Variants in SLC6A7 observed in about 807,000 individuals in gnomAD.
The protein encoded by SLC6A7 is sodium-dependent proline transporter.
SLC6A7 carries 58 observed loss-of-function variants against 73.1 expected under a neutral mutation model. The observed-to-expected ratio is 0.79, with a 90% CI of 0.64 to 0.99. The LOEUF (loss-of-function observed/expected upper bound fraction) is 0.99. SLC6A7 is among the 50% of genes least tolerant of loss of function. The pLI is 0.00. For synonymous variants in SLC6A7, 338 were observed against 338.7 expected, an observed-to-expected ratio of 1.00 and a Z score of 0.02; for missense variants, 783 against 831.4, an observed-to-expected ratio of 0.94 and a Z score of 0.72.
At chr5:150,198,453 G>A (rs958744988) in intron 4 of SLC6A7, among the ~76,000 whole-genome samples, 1 of 152,238 alleles carries the variant, frequency 6.6e-6, no homozygotes, top group Non-Finnish European at 1.5e-5. Context: ...CTGCTGAAGA[G>A]TTTATCTGAC....
chr5:150,208,136 G>A lies in SLC6A7; in HGVS notation c.1702-1270G>A, dbSNP rs556171085. Among the ~76,000 whole-genome samples the A allele has an allele frequency of 1.5e-4, 23 of 152,034 alleles. 1 individual carries two copies. In the South Asian group the frequency reaches 4.4e-3, roughly 29 times the overall value. On this transcript the variant is annotated intron_variant, in intron 13 of 13. Transcript: ENST00000230671. ...AAACCTAAGTCCTTGTTCTCAGGGAGCTTGTATTTTATTGTGGGGGACAGG... is the reference window on the plus strand; with the variant it reads ...AAACCTAAGTCCTTGTTCTCAGGGAACTTGTATTTTATTGTGGGGGACAGG...
intron 13 of SLC6A7, 37 bp from the exon 14 acceptor site, chr5:150,209,369 G>C (rs1562106747): frequency 1.3e-6 from 2 of 1,574,676 alleles, no homozygotes; most frequent in South Asian, 2.2e-5. Flanking sequence ...AGCGCTGCCT[G>C]TTTCCTGTTT....
At chr5:150,194,703 C>T in intron 1 of SLC6A7, 25 bp from the exon 2 acceptor site, 2 of 1,603,250 alleles carry the variant, frequency 1.2e-6, no homozygotes, top group Non-Finnish European at 1.7e-6. Context: ...TTCTCCCCAA[C>T]CTCTTTGGTC....
At chr5:150,207,560 G>A (rs1165944912) in intron 13 of SLC6A7, among the ~76,000 whole-genome samples, 2 of 152,162 alleles carry the variant, frequency 1.3e-5, no homozygotes, top group African/African-American at 4.8e-5. Flanking sequence ...CCTACTTTTA[G>A]GCCTGTTATG....
rs1753885892 is a variant in SLC6A7, at chr5:150,209,842, A to C, written c.*227A>C. ...GCATACTCAGACCCACTCAAAGCTG[A>C]GAATGATCCAACTCAGCCCTACTTT... On this transcript the variant is annotated 3_prime_UTR_variant, in exon 14 of 14. Transcript: ENST00000230671. 1 of 573,824 alleles carries C rather than the reference A, an allele frequency of 1.7e-6. No individual in the cohort carries two copies. The highest frequency in any genetic ancestry group is 1.9e-5 in the African/African-American group (1 of 53,386). 35.5% of individuals were successfully genotyped at this position (573,824 alleles called of 1,614,324 possible).
At position 150,204,586 on chromosome 5, in the gene SLC6A7, A is replaced by G. The variant is rs1308657074; in HGVS notation, c.1387A>G (p.Met463Val). The change falls in exon 11 of 14, where the codon ATG (methionine) becomes GTG (valine). Residue 463 changes from methionine to valine, a missense_variant. Met to Val is a conservative substitution (Grantham distance 21, BLOSUM62 1). Transcript: ENST00000230671. ...TGACTACAGCGCCAGCTTCGGGCTG[A>G]TGGTGGTGGTTATCACCACGTGCCT... ...LDDYSASFGL[M>V]VVVITTCLAV... The G allele has an allele frequency of 1.2e-6, 2 of 1,614,088 alleles. No homozygotes were observed. The highest frequency in any genetic ancestry group is 1.7e-6 in the Non-Finnish European group (2 of 1,179,930).
intron 4 of SLC6A7, among the ~76,000 whole-genome samples, chr5:150,198,801 G>A (rs985340373): frequency 7.0e-6 from 1 of 143,100 alleles, no homozygotes; most frequent in African/African-American, 2.8e-5. Flanking sequence ...GTCATGGCCA[G>A]GCCCTGGATG....
chr5:150,202,292 C>T, intron 6 of SLC6A7, 55 bp from the exon 7 acceptor site: 1 of 1,214,350 alleles, frequency 8.2e-7, no homozygotes, highest in Non-Finnish European at 1.2e-6. Flanking sequence ...TCACTGCCTT[C>T]CTTCTCTGTC....
intron 5 of SLC6A7, 111 bp downstream of exon 5, chr5:150,199,477 G>T: frequency 2.7e-6 from 2 of 730,300 alleles, no homozygotes; most frequent in Non-Finnish European, 4.5e-6. Context: ...CAGCTGGGCA[G>T]AGGGGAAGGG....
rs909829983 is a variant in SLC6A7 at position 150,209,868 on chromosome 5, G to A, written c.*253G>A. 5.6e-6 allele frequency: 3 copies of A among 534,584 alleles called. No individual in the cohort carries two copies. Among genetic ancestry groups the A allele is most frequent in the Non-Finnish European group, 6.8e-6 (2 of 295,426 alleles). 33.1% of individuals were successfully genotyped at this position (534,584 alleles called of 1,614,324 possible). A position where few individuals can be genotyped will look rare whatever the true frequency, so the allele number is the denominator to read the frequency against. On this transcript the variant is annotated 3_prime_UTR_variant, in exon 14 of 14. Coordinates refer to ENST00000230671, the MANE Select transcript of SLC6A7 (RefSeq NM_014228.5). ...GAATGATCCAACTCAGCCCTACTTT[G>A]CGGATGGACATATTAAGGCCAGGAG...
intron 5 of SLC6A7, 70 bp downstream of exon 5, chr5:150,199,436 T>A (rs731376): frequency 0.8 from 891,175 of 1,119,118 alleles, 356,700 homozygotes; most frequent in African/African-American, 0.92. Context: ...AAGGCAGGGC[T>A]TGGACTGAGC....
chr5:150,198,826 G>T (rs4996004), intron 4 of SLC6A7, among the ~76,000 whole-genome samples: 2,221 of 51,888 alleles, frequency 0.043, 29 homozygotes, highest in East Asian at 0.068. Context: ...GTGTGTGTGT[G>T]TGTGTGTGTG....
At chr5:150,194,956 C>T (rs1366460929) in intron 2 of SLC6A7, 45 bp downstream of exon 2, 1 of 1,557,448 alleles carries the variant, frequency 6.4e-7, no homozygotes, top group Non-Finnish European at 8.8e-7. Context: ...GGTGATGGGC[C>T]AAGGCCCTGG....
Position 150,209,519 on chromosome 5 carries a change from G to A in SLC6A7, c.1815G>A (p.Met605Ile), listed in dbSNP as rs1323193796. The A allele has an allele frequency of 5.6e-6, 9 of 1,614,228 alleles. No individual in the cohort carries two copies. The highest frequency in any genetic ancestry group is 1.3e-5 in the African/African-American group (1 of 75,072). ...GGAGCCAGTCACCAAAGCCACTGATGGTGCACATGCGCAAGTACGGGGGCA... is the reference window on the plus strand; with the variant it reads ...GGAGCCAGTCACCAAAGCCACTGATAGTGCACATGCGCAAGTACGGGGGCA... ...LAGSQSPKPL[M>I]VHMRKYGGIT... Residue 605 changes from methionine to isoleucine, a missense_variant, in exon 14 of 14, where the codon ATG (methionine) becomes ATA (isoleucine). By Grantham distance (10) the Met-to-Ile change is conservative. Transcript: ENST00000230671.
Position 150,194,891 on chromosome 5 carries a change from G to A in SLC6A7, c.197G>A (p.Arg66Gln), listed in dbSNP as rs1004123897. ...GLGNVWRFPYRAYTNGGGAFL... is the reference protein window; with the variant it reads ...GLGNVWRFPYQAYTNGGGAFL... ...GGGAATGTCTGGCGCTTCCCCTATC[G>A]AGCGTACACCAATGGAGGAGGTATG... The change falls in exon 2 of 14, where the codon CGA becomes CAA. Residue 66 changes from arginine (R) to glutamine (Q), a missense_variant. Physicochemically the swap from Arg to Gln is conservative, Grantham distance 43. Transcript: ENST00000230671. 3.1e-6 allele frequency: 5 copies of A among 1,613,930 alleles called. No individual in the cohort carries two copies. Among genetic ancestry groups the A allele is most frequent in the Middle Eastern group, 1.6e-4 (1 of 6,080 alleles).
At chr5:150,196,120 G>A (rs1343870589) in intron 2 of SLC6A7, among the ~76,000 whole-genome samples, 2 of 152,314 alleles carry the variant, frequency 1.3e-5, no homozygotes, top group East Asian at 3.9e-4. Flanking sequence ...AGGAGGAGAG[G>A]GCGGTGAACC....
At chr5:150,200,019 A>T (rs1184369581) in intron 5 of SLC6A7, among the ~76,000 whole-genome samples, 1 of 152,130 alleles carries the variant, frequency 6.6e-6, no homozygotes, top group Non-Finnish European at 1.5e-5. Context: ...CGGAGGATGG[A>T]ATGCTTTTCT....
At chr5:150,199,960 A>C (rs1457768165) in intron 5 of SLC6A7, among the ~76,000 whole-genome samples, 1 of 152,158 alleles carries the variant, frequency 6.6e-6, no homozygotes, top group African/African-American at 2.4e-5. Context: ...ATTGAGTCTC[A>C]TTGGATGAGC....
chr5:150,204,484 G>A (rs753784924), intron 10 of SLC6A7, 48 bp from the exon 11 acceptor site: 2 of 1,417,116 alleles, frequency 1.4e-6, no homozygotes, highest in South Asian at 1.1e-5. Flanking sequence ...GGCTGTAGCA[G>A]AGAACGAGGC....
Sources: allele counts gnomAD v4.1 joint callset (sites outside exome capture counted in the v4.1 genomes callset), GRCh38; gene constraint gnomAD v4.1.1; transcripts MANE v1.5; gene names NCBI Gene and HGNC (gene_info 2026-07-23, HGNC 2026-07-21).